Variants in DPP6 observed in about 807,000 individuals in gnomAD.
The protein encoded by DPP6 is A-type potassium channel modulatory protein DPP6.
A neutral mutation model predicts 122.6 loss-of-function variants in DPP6; 69 were observed. That is an observed-to-expected ratio of 0.56 (90% CI 0.46 to 0.69). DPP6 has a LOEUF of 0.69. Ranked by LOEUF, DPP6 falls within the 30% of genes least tolerant of loss-of-function variation. The pLI, the probability that DPP6 is intolerant of heterozygous loss-of-function variation, is 0.00. For missense variants in DPP6, 928 were observed against 1,116.9 expected (o/e 0.83, Z 2.41); for synonymous variants, 418 against 433.1 (o/e 0.97, Z 0.43).
chr7:154,267,232 A>G (rs1803477003), intron 1 of DPP6, among the ~76,000 whole-genome samples: 1 of 151,314 alleles, frequency 6.6e-6, no homozygotes, highest in Non-Finnish European at 1.5e-5. Flanking sequence ...ATAGTAAGAT[A>G]TAATAGATTT....
At chr7:153,949,398 C>G (rs552304566) in intron 1 of DPP6, among the ~76,000 whole-genome samples, 18 of 152,308 alleles carry the variant, frequency 1.2e-4, no homozygotes, top group African/African-American at 3.6e-4. Context: ...CTCGGAGATG[C>G]TTTTCTTATG....
chr7:153,947,820 G>A (rs1163853453), intron 1 of DPP6, among the ~76,000 whole-genome samples: 6 of 152,158 alleles, frequency 3.9e-5, no homozygotes, highest in African/African-American at 1.2e-4. Flanking sequence ...GGAGGGTGCC[G>A]CTCACAGGTG....
At chr7:153,887,746 G>A (rs1218112866) in intron 1 of DPP6, 2 of 1,612,954 alleles carry the variant, frequency 1.2e-6, no homozygotes, top group Admixed American at 3.3e-5. Context: ...TGAGTGCCAC[G>A]GACAGGGCGC....
At chr7:154,131,411 ACTGTGACTG>A (rs1392571574) in intron 1 of DPP6, among the ~76,000 whole-genome samples, 6 of 151,886 alleles carry the variant, frequency 4.0e-5, no homozygotes, top group Non-Finnish European at 7.3e-5. Flanking sequence ...ATATTCTCTG[ACTGTGACTG>A]CTTGAAGGAG....
At chr7:154,417,727 A>C (rs1474350832) in intron 1 of DPP6, among the ~76,000 whole-genome samples, 2 of 152,216 alleles carry the variant, frequency 1.3e-5, no homozygotes, top group African/African-American at 4.8e-5. Context: ...GATCATGTGC[A>C]TGATGGCTGT....
chr7:154,663,305 C>G (rs1302338800), intron 6 of DPP6, among the ~76,000 whole-genome samples: 4 of 49,712 alleles, frequency 8.0e-5, no homozygotes, highest in Admixed American at 3.0e-4. Flanking sequence ...GCGTATTGGC[C>G]ATAGTGTTCA....
At chr7:153,808,589 C>T in the DPP6 span, among the ~76,000 whole-genome samples, 2 of 152,052 alleles carry the variant, frequency 1.3e-5, no homozygotes, top group South Asian at 4.2e-4. Context: ...ATCACCCGTC[C>T]TCAACTACTG....
At chr7:153,925,393 C>T (rs113821224) in intron 1 of DPP6, among the ~76,000 whole-genome samples, 15 of 132,878 alleles carry the variant, frequency 1.1e-4, no homozygotes, top group Admixed American at 5.3e-4. Context: ...CATCCCGCAT[C>T]GTGGAGGGTC....
At chr7:154,336,759 C>A (rs978098118) in intron 1 of DPP6, among the ~76,000 whole-genome samples, 1 of 152,108 alleles carries the variant, frequency 6.6e-6, no homozygotes, top group Admixed American at 6.5e-5. Flanking sequence ...TTGGGCGGGC[C>A]ATGGTTACAG....
intron 7 of DPP6, among the ~76,000 whole-genome samples, chr7:154,726,085 A>G (rs918537922): frequency 4.9e-4 from 75 of 152,344 alleles, no homozygotes; most frequent in African/African-American, 1.7e-3. Context: ...TGCAGGGTTC[A>G]GCTTCCTCAG....
At chr7:153,860,717 C>A in the DPP6 span, among the ~76,000 whole-genome samples, 1 of 151,858 alleles carries the variant, frequency 6.6e-6, no homozygotes, top group African/African-American at 2.4e-5. Flanking sequence ...GTGCTTCCTG[C>A]CTCCTGCCGT....
At chr7:153,788,861 A>T in the DPP6 span, among the ~76,000 whole-genome samples, 5 of 151,868 alleles carry the variant, frequency 3.3e-5, no homozygotes, top group African/African-American at 1.2e-4. Flanking sequence ...GCTAGTCGGG[A>T]GGCTGAGGCA....
chr7:154,655,779 G>A (rs1346988061), intron 6 of DPP6, among the ~76,000 whole-genome samples: 1 of 152,206 alleles, frequency 6.6e-6, no homozygotes, highest in Non-Finnish European at 1.5e-5. Context: ...AGCCCAGGGG[G>A]TGGGCAGGGC....
At chr7:154,380,688 C>G (rs185887324) in intron 1 of DPP6, among the ~76,000 whole-genome samples, 2,991 of 152,252 alleles carry the variant, frequency 0.02, 58 homozygotes, top group Non-Finnish European at 0.025. Context: ...ACACATTCCC[C>G]TGGTACCTTT....
chr7:153,829,059 C>T, the DPP6 span, among the ~76,000 whole-genome samples: 2 of 152,124 alleles, frequency 1.3e-5, no homozygotes, highest in Non-Finnish European at 2.9e-5. Context: ...CTTGCATCTG[C>T]GTAGCTAGTT....
At chr7:153,837,043 A>T in the DPP6 span, among the ~76,000 whole-genome samples, 1 of 152,182 alleles carries the variant, frequency 6.6e-6, no homozygotes, top group Non-Finnish European at 1.5e-5. Context: ...CATTGTAATC[A>T]TCATGCCACA....
chr7:154,693,111 C>T (rs113268029), intron 7 of DPP6, among the ~76,000 whole-genome samples: 753 of 23,688 alleles, frequency 0.032, 7 homozygotes, highest in African/African-American at 0.047. Context: ...TTTCTACTGA[C>T]AATTAACCTT....
intron 1 of DPP6, among the ~76,000 whole-genome samples, chr7:154,295,463 T>C (rs1380244707): frequency 6.6e-6 from 1 of 152,170 alleles, no homozygotes; most frequent in Non-Finnish European, 1.5e-5. Flanking sequence ...TTAGATAAGA[T>C]AGTATGTGTA....
intron 1 of DPP6, among the ~76,000 whole-genome samples, chr7:154,422,707 A>G (rs58232409): frequency 1.2e-4 from 16 of 130,086 alleles, no homozygotes; most frequent in South Asian, 5.5e-4. Context: ...GTGGGTGGGT[A>G]GATGGATGGG....
Sources: allele counts gnomAD v4.1 joint callset (sites outside exome capture counted in the v4.1 genomes callset), GRCh38; gene constraint gnomAD v4.1.1; transcripts MANE v1.5; gene names NCBI Gene and HGNC (gene_info 2026-07-23, HGNC 2026-07-21).